The following EXT2 variants were observed in gnomAD, a reference collection of about 807,000 sequenced individuals.
The protein encoded by EXT2 is exostosin glycosyltransferase 2.
A neutral mutation model predicts 81.6 loss-of-function variants in EXT2; 53 were observed. That is an observed-to-expected ratio of 0.65 (90% CI 0.52 to 0.82). EXT2 has a LOEUF of 0.82. EXT2 is among the 40% of genes least tolerant of loss of function. EXT2 has a pLI of 0.00. For synonymous variants in EXT2, 320 were observed against 340.0 expected (o/e 0.94, Z 0.65); for missense variants, 774 against 910.2 (o/e 0.85, Z 1.93).
chr11:44,159,112 G>A (rs1387884180), intron 7 of EXT2, among the ~76,000 whole-genome samples: 1 of 144,582 alleles, frequency 6.9e-6, no homozygotes, highest in Non-Finnish European at 1.5e-5. Context: ...TAGGGTTTTT[G>A]CTTTCGTTCT....
rs1956090027 is a variant in EXT2, at chr11:44,245,953, G to A, written c.*1666G>A. On this transcript the variant is annotated 3_prime_UTR_variant, in exon 14 of 14. Transcript: ENST00000533608. ...TCATTTTGCAAATGCAGAAACTGAAGTGATTTTTTTCAGTTTCTGACAGCA... is the reference window on the plus strand; with the variant it reads ...TCATTTTGCAAATGCAGAAACTGAAATGATTTTTTTCAGTTTCTGACAGCA... Among the ~76,000 whole-genome samples, 1 of 152,244 alleles carries A rather than the reference G, an allele frequency of 6.6e-6. No individual in the cohort carries two copies. The highest frequency in any genetic ancestry group is 1.5e-5 in the Non-Finnish European group (1 of 68,040).
intron 7 of EXT2, among the ~76,000 whole-genome samples, chr11:44,170,286 T>A (rs1955052741): frequency 1.3e-5 from 2 of 152,138 alleles, no homozygotes; most frequent in Non-Finnish European, 2.9e-5. Context: ...TAAATGATGA[T>A]GAAAATGATA....
Position 44,234,183 on chromosome 11 carries a change from C to G in EXT2, c.1875C>G (p.Asn625Lys). Residue 625 changes from asparagine to lysine, a missense_variant, in exon 12 of 14, where the codon AAC becomes AAG. Physicochemically the swap from Asn to Lys is moderately conservative, Grantham distance 94 (BLOSUM62 0). Around this residue, in one of 2 missense-constraint regions of EXT2, gnomAD observed 148 missense variants for 239.7 expected, o/e 0.62. Transcript: ENST00000533608. Reference sequence around the variant, plus strand: ...AGAACTGGGTAGATGCTCATATGAACTGTGAAGATATTGCCATGAACTTCC... The same window carrying G: ...AGAACTGGGTAGATGCTCATATGAAGTGTGAAGATATTGCCATGAACTTCC... The part of the protein sequence containing the change: ...DIKNWVDAHM[N>K]CEDIAMNFLV... The G allele has an allele frequency of 6.2e-7, 1 of 1,614,164 alleles. No homozygotes were observed. The highest frequency in any genetic ancestry group is 8.5e-7 in the Non-Finnish European group (1 of 1,180,026).
At chr11:44,130,198 G>C in intron 7 of EXT2, 60 bp downstream of exon 7, 1 of 1,327,080 alleles carries the variant, frequency 7.5e-7, no homozygotes, top group Non-Finnish European at 1.1e-6. Flanking sequence ...GCCTTGACTG[G>C]ATACAGAGGG....
In EXT2 at chr11:44,249,826, T is replaced by C. The variant is rs1401953002; in HGVS notation, c.*5539T>C. On this transcript the variant is annotated 3_prime_UTR_variant, in exon 14 of 14. Coordinates refer to ENST00000533608, the MANE Select transcript of EXT2 (RefSeq NM_207122.2). The stretch of plus-strand genomic sequence containing the variant: ...TGGCTCATGCCTGTAATCCCAGCAT[T>C]TTGGGAGGCCAAAGCGGGCAGATCA... Among the ~76,000 whole-genome samples the C allele has an allele frequency of 6.6e-6, 1 of 152,310 alleles. No homozygotes were observed. Among genetic ancestry groups the C allele is most frequent in the East Asian group, 1.9e-4 (1 of 5,188 alleles).
intron 7 of EXT2, among the ~76,000 whole-genome samples, chr11:44,157,322 G>A (rs1954868394): frequency 6.6e-6 from 1 of 152,180 alleles, no homozygotes; most frequent in Non-Finnish European, 1.5e-5. Flanking sequence ...AGGACAGCAG[G>A]CCTCACCCCT....
intron 2 of EXT2, 126 bp from the exon 3 acceptor site, chr11:44,109,068 G>A: frequency 1.1e-6 from 1 of 912,224 alleles, no homozygotes; most frequent in Non-Finnish European, 1.8e-6. Flanking sequence ...CCAGGAGTTT[G>A]CTTTGCATAC....
chr11:44,122,549 C>T (rs533958593), intron 4 of EXT2, among the ~76,000 whole-genome samples: 3 of 152,188 alleles, frequency 2.0e-5, no homozygotes, highest in Admixed American at 1.3e-4. Context: ...AACTCAAAAG[C>T]CTGTTTTAGT....
chr11:44,157,723 T>C (rs1431571098), intron 7 of EXT2, among the ~76,000 whole-genome samples: 9 of 152,150 alleles, frequency 5.9e-5, no homozygotes, highest in Admixed American at 5.9e-4. Flanking sequence ...TACCCTGCTA[T>C]GGCCAAGCTG....
intron 7 of EXT2, among the ~76,000 whole-genome samples, chr11:44,132,085 A>G (rs1035267270): frequency 5.3e-5 from 8 of 152,242 alleles, no homozygotes; most frequent in African/African-American, 1.2e-4. Flanking sequence ...AAAACTAAAT[A>G]TAGAATTATA....
intron 13 of EXT2, among the ~76,000 whole-genome samples, chr11:44,242,614 C>G (rs1486109686): frequency 2.6e-5 from 4 of 152,004 alleles, no homozygotes; most frequent in Admixed American, 2.6e-4. Context: ...TAACATGAGG[C>G]TACTATACAC....
chr11:44,104,657 G>A (rs1472808775), intron 1 of EXT2: 1 of 152,212 alleles, frequency 6.6e-6, no homozygotes, highest in Non-Finnish European at 1.5e-5. Flanking sequence ...CATAGACCTT[G>A]AGAGCTTCTT....
chr11:44,186,880 A>G (rs899816493), intron 8 of EXT2, among the ~76,000 whole-genome samples: 9 of 152,200 alleles, frequency 5.9e-5, no homozygotes, highest in Non-Finnish European at 7.3e-5. Flanking sequence ...TTCTGATCAT[A>G]TGATTATCTG....
intron 7 of EXT2, among the ~76,000 whole-genome samples, chr11:44,139,920 A>G (rs987681855): frequency 6.6e-6 from 1 of 152,138 alleles, no homozygotes; most frequent in Non-Finnish European, 1.5e-5. Context: ...CTGATATTAA[A>G]ATTGAAGAAA....
At position 44,171,754 on chromosome 11, in the gene EXT2, C is replaced by G. The variant is rs767006996; in HGVS notation, c.1305+12C>G. Reference sequence around the variant, plus strand: ...ACCCTCCTGCTGTGGTAAGTGAATTCCAGTGCTAGCCACATGAGGCATGGT... The same window carrying G: ...ACCCTCCTGCTGTGGTAAGTGAATTGCAGTGCTAGCCACATGAGGCATGGT... On this transcript the variant is annotated intron_variant, in intron 8 of 13. Coordinates refer to ENST00000533608, the MANE Select transcript of EXT2 (RefSeq NM_207122.2). The G allele has an allele frequency of 1.4e-5, 23 of 1,613,670 alleles. No homozygotes were observed. Among genetic ancestry groups the G allele is most frequent in the Non-Finnish European group, 1.9e-5 (22 of 1,179,838 alleles).
intron 10 of EXT2, among the ~76,000 whole-genome samples, chr11:44,207,547 A>T (rs1182266063): frequency 2.0e-5 from 3 of 152,186 alleles, no homozygotes; most frequent in African/African-American, 7.2e-5. Flanking sequence ...GAAAAGCAAT[A>T]GGAATTGATG....
chr11:44,244,552 C>A lies in EXT2; in HGVS notation c.*265C>A, dbSNP rs1473206678. The A allele has an allele frequency of 4.1e-6, 2 of 484,358 alleles. No individual in the cohort carries two copies. Among genetic ancestry groups the A allele is most frequent in the Admixed American group, 3.3e-5 (1 of 30,510 alleles). 30.0% of individuals were successfully genotyped at this position (484,358 alleles called of 1,614,324 possible). A position where few individuals can be genotyped will look rare whatever the true frequency, so the allele number is the denominator to read the frequency against. On this transcript the variant is annotated 3_prime_UTR_variant, in exon 14 of 14. Transcript: ENST00000533608. The stretch of plus-strand genomic sequence containing the variant: ...AAATGCCAAGTGGAAGACTTTGTGG[C>A]ATGCTCCAGATTTAAATCCAGCTGA...
intron 7 of EXT2, among the ~76,000 whole-genome samples, chr11:44,157,338 A>C (rs1358666900): frequency 6.6e-6 from 1 of 152,152 alleles, no homozygotes; most frequent in Non-Finnish European, 1.5e-5. Context: ...CCCCTGGCCC[A>C]AGTCATGACC....
rs146902267 is a variant in EXT2 at position 44,131,146 on chromosome 11, CTT to C, written c.1173+1009_1173+1010del. Among the ~76,000 whole-genome samples, 71 of 152,358 alleles carry C rather than the reference CTT, an allele frequency of 4.7e-4. No homozygotes were observed. In the East Asian group the frequency reaches 0.013, roughly 27 times the overall value. On this transcript the variant is annotated intron_variant, in intron 7 of 13. Coordinates refer to ENST00000533608, the MANE Select transcript of EXT2 (RefSeq NM_207122.2). ...CTCAGCTGATTTAGGAGGCAGCTCTCTTGAGTCTATAGCATCAGTTACCACTT... is the reference window on the plus strand; with the variant it reads ...CTCAGCTGATTTAGGAGGCAGCTCTCGAGTCTATAGCATCAGTTACCACTT...
Sources: gnomAD v4.1 joint callset for allele counts (sites outside exome capture counted in the v4.1 genomes callset) on GRCh38, gnomAD v4.1.1 for gene constraint, gnomAD v4.1.1 regional missense constraint, MANE v1.5 for transcripts, NCBI Gene and HGNC (gene_info 2026-07-23, HGNC 2026-07-21) for gene names.